Variants in ATP9A observed in about 807,000 individuals in gnomAD.
ATP9A encodes the protein ATPase phospholipid transporting 9A.
Under a neutral mutation model 144.1 loss-of-function variants are expected in ATP9A, and 52 were observed. The observed-to-expected ratio is 0.36, with a 90% CI of 0.29 to 0.45. The LOEUF is 0.45. Among genes scored for constraint, ATP9A ranks in the 20% least tolerant of loss-of-function variants. The probability of loss-of-function intolerance (pLI) is 1.00; values close to 1 mark genes in which losing one functional copy is unlikely to be tolerated. For missense variants in ATP9A, 947 were observed against 1,392.7 expected, an observed-to-expected ratio of 0.68 and a Z score of 5.09; for synonymous variants, 582 against 557.4, an observed-to-expected ratio of 1.04 and a Z score of -0.62.
intron 1 of ATP9A, among the ~76,000 whole-genome samples, chr20:51,760,284 A>C (rs890779224): frequency 5.3e-5 from 8 of 152,132 alleles, no homozygotes; most frequent in African/African-American, 7.2e-5. Flanking sequence ...GTTTTTAAAA[A>C]ACAGAAACAC....
At chr20:51,607,641 G>A in intron 25 of ATP9A, 57 bp from the exon 26 acceptor site, 1 of 1,379,752 alleles carries the variant, frequency 7.2e-7, no homozygotes, top group Non-Finnish European at 1.0e-6. Context: ...CACGCAGCAT[G>A]CCATCAGCTT....
At chr20:51,620,734 C>A (rs886477801) in intron 19 of ATP9A, among the ~76,000 whole-genome samples, 1 of 152,166 alleles carries the variant, frequency 6.6e-6, no homozygotes, top group East Asian at 1.9e-4. Flanking sequence ...ATGCAAAAAA[C>A]CGGATACTCG....
intron 1 of ATP9A, among the ~76,000 whole-genome samples, chr20:51,741,727 G>T (rs1164730198): frequency 6.6e-6 from 1 of 152,138 alleles, no homozygotes; most frequent in African/African-American, 2.4e-5. Context: ...ACACAATTTT[G>T]TCTAAATTTG....
At chr20:51,614,099 C>A (rs1416381077) in intron 22 of ATP9A, among the ~76,000 whole-genome samples, 1 of 152,098 alleles carries the variant, frequency 6.6e-6, no homozygotes, top group African/African-American at 2.4e-5. Context: ...TCAGCCCACC[C>A]CATAAGTAGC....
intron 14 of ATP9A, among the ~76,000 whole-genome samples, chr20:51,655,650 G>A (rs1287338593): frequency 6.6e-6 from 1 of 152,156 alleles, no homozygotes; most frequent in Admixed American, 6.5e-5. Context: ...ACCGAGATGT[G>A]GAGAAACGGA....
intron 15 of ATP9A, among the ~76,000 whole-genome samples, chr20:51,638,539 G>A (rs1015686836): frequency 3.9e-5 from 6 of 152,026 alleles, no homozygotes; most frequent in East Asian, 3.9e-4. Context: ...GCCTCCCCAC[G>A]ACGGAAAGTG....
chr20:51,615,064 G>A (rs1465293661), intron 22 of ATP9A, among the ~76,000 whole-genome samples: 2 of 111,646 alleles, frequency 1.8e-5, no homozygotes, highest in Non-Finnish European at 3.3e-5. Context: ...GCATTGTATC[G>A]ATGTTACATG....
At chr20:51,765,511 G>A (rs151131394) in intron 1 of ATP9A, among the ~76,000 whole-genome samples, 45 of 150,824 alleles carry the variant, frequency 3.0e-4, no homozygotes, top group African/African-American at 1.0e-3. Flanking sequence ...AAAATTTGCC[G>A]GGCATGGTGC....
At chr20:51,663,128 ACAGCC>A (rs2077417946) in intron 13 of ATP9A, among the ~76,000 whole-genome samples, 2 of 152,210 alleles carry the variant, frequency 1.3e-5, no homozygotes, top group Non-Finnish European at 2.9e-5. Context: ...AGAATGCCGT[ACAGCC>A]CAGGCATATA....
intron 11 of ATP9A, among the ~76,000 whole-genome samples, 159 bp downstream of exon 11, chr20:51,673,994 G>A (rs1308188017): frequency 1.3e-5 from 2 of 152,100 alleles, no homozygotes; most frequent in Non-Finnish European, 2.9e-5. Context: ...AGGTTGCAGT[G>A]AGCCAAGATC....
chr20:51,674,006 C>T (rs1229830018), intron 11 of ATP9A, 147 bp downstream of exon 11: 27 of 958,184 alleles, frequency 2.8e-5, no homozygotes, highest in Middle Eastern at 3.0e-4. Flanking sequence ...GCCAAGATCG[C>T]GCCACTGCCC....
chr20:51,743,620 G>A (rs369807119), intron 1 of ATP9A, among the ~76,000 whole-genome samples: 1 of 149,364 alleles, frequency 6.7e-6, no homozygotes, highest in African/African-American at 2.4e-5. Flanking sequence ...GGCTGGTCTG[G>A]TCTTGAACTA....
chr20:51,612,841 G>A (rs1212691340), intron 23 of ATP9A, among the ~76,000 whole-genome samples: 2 of 152,194 alleles, frequency 1.3e-5, no homozygotes, highest in Non-Finnish European at 2.9e-5. Flanking sequence ...GGGTATTCGT[G>A]ATCATAATAA....
At chr20:51,736,196 C>A (rs2077761982) in intron 1 of ATP9A, among the ~76,000 whole-genome samples, 1 of 152,184 alleles carries the variant, frequency 6.6e-6, no homozygotes, top group Admixed American at 6.5e-5. Context: ...CAAAGACTGG[C>A]TGCAGCAGAA....
At chr20:51,644,929 G>A (rs532208669) in intron 14 of ATP9A, among the ~76,000 whole-genome samples, 3 of 152,262 alleles carry the variant, frequency 2.0e-5, no homozygotes, top group South Asian at 2.1e-4. Context: ...AACTTTAATC[G>A]AGAAAGAATC....
chr20:51,669,651 C>G (rs914949795), intron 13 of ATP9A, among the ~76,000 whole-genome samples: 3 of 152,076 alleles, frequency 2.0e-5, no homozygotes, highest in African/African-American at 7.2e-5. Flanking sequence ...CAGGTTTTTC[C>G]TAATGTCCAT....
intron 22 of ATP9A, among the ~76,000 whole-genome samples, chr20:51,616,867 G>A (rs2077205093): frequency 6.6e-6 from 1 of 151,852 alleles, no homozygotes. Flanking sequence ...GATAACTAAT[G>A]CTTTTACTGA....
In ATP9A at chr20:51,597,456, G is replaced by A. The variant is rs941833047; in HGVS notation, c.*3755C>T. The stretch of plus-strand genomic sequence containing the variant: ...TTTTTAAATGAAAACAAAGCTGGGA[G>A]TGATAGAATTTTAATGCAATGAAAA... On this transcript the variant is annotated 3_prime_UTR_variant, in exon 28 of 28. Transcript: ENST00000338821. The A allele has an allele frequency of 6.6e-6, 1 of 152,150 alleles. No homozygotes were observed. The highest frequency in any genetic ancestry group is 1.5e-5 in the Non-Finnish European group (1 of 68,044). The allele number at this position is 152,150 out of a possible 1,614,324, so 9.4% of individuals were successfully genotyped here. A position where few individuals can be genotyped will look rare whatever the true frequency, so the allele number is the denominator to read the frequency against.
chr20:51,766,533 G>A (rs1369424564), intron 1 of ATP9A, among the ~76,000 whole-genome samples: 2 of 152,140 alleles, frequency 1.3e-5, no homozygotes, highest in African/African-American at 2.4e-5. Flanking sequence ...TAGTGTTCAA[G>A]TCAATTGTCA....
Sources: allele counts gnomAD v4.1 joint callset (sites outside exome capture counted in the v4.1 genomes callset), GRCh38; gene constraint gnomAD v4.1.1; transcripts MANE v1.5; gene names NCBI Gene and HGNC (gene_info 2026-07-23, HGNC 2026-07-21).